The following C19orf53 variants were observed in gnomAD, a reference collection of about 807,000 sequenced individuals.
C19orf53 encodes leydig cell tumor 10 kDa protein homolog.
A neutral mutation model predicts 6.5 loss-of-function variants in C19orf53; 9 were observed. That is an observed-to-expected ratio of 1.38 (90% confidence interval 0.83 to 2.40). C19orf53 has a LOEUF of 2.40. Ranked by LOEUF, C19orf53 falls within the 30% of genes most tolerant of loss-of-function variation. C19orf53 has a pLI of 0.00. For missense variants in C19orf53, 166 were observed against 129.7 expected, an observed-to-expected ratio of 1.28 and a Z score of -1.36; for synonymous variants, 68 against 52.5, an observed-to-expected ratio of 1.29 and a Z score of -1.27.
At chr19:13,775,238 AC>A (rs1375156276) in intron 2 of C19orf53, among the ~76,000 whole-genome samples, 1 of 152,096 alleles carries the variant, frequency 6.6e-6, no homozygotes, top group Non-Finnish European at 1.5e-5. Context: ...AGCTTTGTAA[AC>A]CTAGAACAGC....
chr19:13,776,937 T>C (rs1392823099), intron 2 of C19orf53, among the ~76,000 whole-genome samples: 1 of 106,392 alleles, frequency 9.4e-6, no homozygotes, highest in Non-Finnish European at 1.9e-5. Flanking sequence ...ATCGTGGTCA[T>C]TGGAACTGTT....
In C19orf53 at chr19:13,778,277, C is replaced by T; in HGVS notation, c.*79C>T. On this transcript the variant is annotated 3_prime_UTR_variant, in exon 3 of 3. Transcript: ENST00000588234. ...CTTGCAAGTCATCCCACAGGCTGCA[C>T]TGTCAGGAAGAGGACCCTGTCCCCC... 1 of 1,458,372 alleles carries T rather than the reference C, an allele frequency of 6.9e-7. No individual in the cohort carries two copies. The highest frequency in any genetic ancestry group is 9.1e-7 in the Non-Finnish European group (1 of 1,098,372). 90.3% of individuals were successfully genotyped at this position (1,458,372 alleles called of 1,614,324 possible).
chr19:13,775,271 G>C (rs1036705890), intron 2 of C19orf53, among the ~76,000 whole-genome samples: 1 of 145,332 alleles, frequency 6.9e-6, no homozygotes, highest in Non-Finnish European at 1.5e-5. Context: ...AGAAGTGTGA[G>C]GGTGCGTTGG....
chr19:13,775,878 C>G (rs780691334), intron 2 of C19orf53, among the ~76,000 whole-genome samples: 51 of 152,140 alleles, frequency 3.4e-4, no homozygotes, highest in Admixed American at 9.2e-4. Context: ...CCCTCCTCCC[C>G]CTGTGATCAC....
In C19orf53 at chr19:13,778,251, C is replaced by A; in HGVS notation, c.*53C>A. 1 of 1,498,952 alleles carries A rather than the reference C, an allele frequency of 6.7e-7. No individual in the cohort carries two copies. The highest frequency in any genetic ancestry group is 8.9e-7 in the Non-Finnish European group (1 of 1,120,586). 92.9% of individuals were successfully genotyped at this position (1,498,952 alleles called of 1,614,324 possible). On this transcript the variant is annotated 3_prime_UTR_variant, in exon 3 of 3. Coordinates refer to ENST00000588234, the MANE Select transcript of C19orf53 (RefSeq NM_014047.3). ...TCCCACCCCCTACCTCCATATGGGA[C>A]CTTGCAAGTCATCCCACAGGCTGCA...
At chr19:13,777,667 CCGTCTGCAAAGCAGAGATGA>C (rs1412412814) in intron 2 of C19orf53, among the ~76,000 whole-genome samples, 3 of 152,158 alleles carry the variant, frequency 2.0e-5, no homozygotes, top group Non-Finnish European at 4.4e-5. Flanking sequence ...CCTCAGCTTG[CCGTCTGCAAAGCAGAGATGA>C]CCTGGGGCAG....
chr19:13,776,741 G>C (rs890583666), intron 2 of C19orf53, among the ~76,000 whole-genome samples: 1 of 152,130 alleles, frequency 6.6e-6, no homozygotes, highest in African/African-American at 2.4e-5. Context: ...AAAGAGGCCT[G>C]CCTTGATGGT....
At chr19:13,776,380 CCTT>C (rs1227927595) in intron 2 of C19orf53, among the ~76,000 whole-genome samples, 1 of 152,018 alleles carries the variant, frequency 6.6e-6, no homozygotes, top group Non-Finnish European at 1.5e-5. Flanking sequence ...AGTGCAGCCA[CCTT>C]CTCCCTTGTC....
intron 2 of C19orf53, 119 bp from the exon 3 acceptor site, chr19:13,777,933 G>C: frequency 1.6e-6 from 2 of 1,289,148 alleles, no homozygotes; most frequent in Non-Finnish European, 2.1e-6. Flanking sequence ...AGTCAGGTGC[G>C]GTTCGAGGGG....
Position 13,774,580 on chromosome 19 carries a change from G to A in C19orf53, c.97+6G>A, listed in dbSNP as rs1974343446. 1 of 1,613,968 alleles carries A rather than the reference G, an allele frequency of 6.2e-7. No homozygotes were observed. On this transcript the variant is annotated splice_donor_region_variant and intron_variant, in intron 1 of 2. Coordinates refer to ENST00000588234, the MANE Select transcript of C19orf53 (RefSeq NM_014047.3). The stretch of plus-strand genomic sequence containing the variant: ...TCGGGGCCCAAGAAAAGGCGGTAAG[G>A]AGCGGCCCGGGGACTTGGGGGCGAG...
chr19:13,777,686 G>C (rs1437125831), intron 2 of C19orf53, among the ~76,000 whole-genome samples: 1 of 152,204 alleles, frequency 6.6e-6, no homozygotes, highest in African/African-American at 2.4e-5. Flanking sequence ...AAGCAGAGAT[G>C]ACCTGGGGCA....
chr19:13,775,290 ATTT>A, intron 2 of C19orf53, among the ~76,000 whole-genome samples: 1 of 150,972 alleles, frequency 6.6e-6, no homozygotes, highest in Non-Finnish European at 1.5e-5. Context: ...GGTTATCGTC[ATTT>A]TTTTTTGAGT....
rs766979305 is a variant in C19orf53 at position 13,774,688 on chromosome 19, A to G, written c.134A>G (p.Gln45Arg). ...GCTCCCAAGAAGGCGCGCGTCGTGC[A>G]GCAGCAAAAGCTCAAGAAGGTGTGC... is the stretch of plus-strand genomic sequence containing the variant. The part of the protein sequence containing the change: ...VIAPKKARVV[Q>R]QQKLKKNLEV... Residue 45 changes from glutamine (Q) to arginine (R), a missense_variant, in exon 2 of 3, where the codon CAG becomes CGG. Transcript: ENST00000588234. 6 of 1,608,916 alleles carry G rather than the reference A, an allele frequency of 3.7e-6. No individual in the cohort carries two copies. The highest frequency in any genetic ancestry group is 5.1e-6 in the Non-Finnish European group (6 of 1,175,694).
At position 13,776,820 on chromosome 19, in the gene C19orf53, T is replaced by C. The variant is rs183048537; in HGVS notation, c.154-1232T>C. Among the ~76,000 whole-genome samples, 466 of 152,330 alleles carry C rather than the reference T, an allele frequency of 3.1e-3. 4 individuals carry two copies. Among genetic ancestry groups the C allele is most frequent in the African/African-American group, 0.011 (454 of 41,580 alleles). On this transcript the variant is annotated intron_variant, in intron 2 of 2. Coordinates refer to ENST00000588234, the MANE Select transcript of C19orf53 (RefSeq NM_014047.3). ...AGCAGCGCTTACCATCCTTTAACAG[T>C]GTAACATATTACGCTACTGATGCTT...
rs1974388000 is a variant in C19orf53 at position 13,778,057 on chromosome 19, A to G, written c.159A>G (p.Leu53=). The change falls in exon 3 of 3, where the codon CTA becomes CTG. Residue 53 remains leucine (L), a synonymous_variant. Coordinates refer to ENST00000588234, the MANE Select transcript of C19orf53 (RefSeq NM_014047.3). The part of the protein sequence containing the change: ...VVQQQKLKKN[L]EVGIRKKIEH... ...GCCCCGTGCTTCTCCCTCAGAACCTAGAAGTCGGAATCCGGAAGAAGATCG... is the reference window on the plus strand; with the variant it reads ...GCCCCGTGCTTCTCCCTCAGAACCTGGAAGTCGGAATCCGGAAGAAGATCG... 6.2e-6 allele frequency: 10 copies of G among 1,609,734 alleles called. No homozygotes were observed. Among genetic ancestry groups the G allele is most frequent in the Non-Finnish European group, 8.5e-6 (10 of 1,177,550 alleles).
chr19:13,774,831 C>G (rs1974349865), intron 2 of C19orf53, 124 bp downstream of exon 2: 2 of 1,313,046 alleles, frequency 1.5e-6, no homozygotes, highest in Non-Finnish European at 2.1e-6. Context: ...ATCCTGGGGA[C>G]GAGCTAGGAG....
Position 13,774,494 on chromosome 19 carries a change from G to GC in C19orf53, c.18dup (p.Lys7GlnfsTer11). 1 of 1,610,310 alleles carries GC rather than the reference G, an allele frequency of 6.2e-7. No individual in the cohort carries two copies. Among genetic ancestry groups the GC allele is most frequent in the Non-Finnish European group, 8.5e-7 (1 of 1,178,434 alleles). ...TGCCGGACCATGGCGCAGGGGCAGC[G>GC]CAAGTTTCAGGCGCACAAACCCGCA... On this transcript the variant is annotated frameshift_variant, in exon 1 of 3. Coordinates refer to ENST00000588234, the MANE Select transcript of C19orf53 (RefSeq NM_014047.3). LOFTEE classifies it high-confidence loss of function.
chr19:13,775,447 T>G (rs1974359910), intron 2 of C19orf53: 1 of 152,296 alleles, frequency 6.6e-6, no homozygotes, highest in Non-Finnish European at 1.5e-5. Context: ...GCGGCTAATT[T>G]TATTTTTTTT....
Position 13,774,674 on chromosome 19 carries a change from G to A in C19orf53, c.120G>A (p.Lys40=). The change falls in exon 2 of 3, where the codon AAG becomes AAA. Residue 40 remains lysine, a synonymous_variant. Coordinates refer to ENST00000588234, the MANE Select transcript of C19orf53 (RefSeq NM_014047.3). ...RKGGRVIAPK[K]ARVVQQQKLK... ...CAGGTCGTGTTATCGCTCCCAAGAA[G>A]GCGCGCGTCGTGCAGCAGCAAAAGC... 1.2e-6 allele frequency: 2 copies of A among 1,609,414 alleles called. No homozygotes were observed. Among genetic ancestry groups the A allele is most frequent in the East Asian group, 4.5e-5 (2 of 44,762 alleles).
Sources: gnomAD v4.1 joint callset for allele counts (sites outside exome capture counted in the v4.1 genomes callset) on GRCh38, gnomAD v4.1.1 for gene constraint, MANE v1.5 for transcripts, NCBI Gene and HGNC (gene_info 2026-07-23, HGNC 2026-07-21) for gene names.